The following ZNF398 variants were observed in gnomAD, a reference collection of about 807,000 sequenced individuals.
ZNF398 encodes the protein zinc finger protein 398.
Under a neutral mutation model 41.9 loss-of-function variants are expected in ZNF398, and 18 were observed. The observed-to-expected ratio is 0.43, with a 90% CI of 0.30 to 0.64. ZNF398 has a LOEUF of 0.64. Among genes scored for constraint, ZNF398 ranks in the 30% least tolerant of loss-of-function variants. ZNF398 has a pLI of 0.14. For missense variants in ZNF398, 669 were observed against 822.8 expected, an observed-to-expected ratio of 0.81 and a Z score of 2.29; for synonymous variants, 260 against 308.8, an observed-to-expected ratio of 0.84 and a Z score of 1.66.
At chr7:149,167,639 T>C (rs137953434) in intron 4 of ZNF398, among the ~76,000 whole-genome samples, 1,504 of 148,078 alleles carry the variant, frequency 0.01, 14 homozygotes, top group Non-Finnish European at 0.016. Context: ...CTTTTCTTTT[T>C]TTTTTTTTTT....
In ZNF398 at chr7:149,166,381, C is replaced by T. The variant is rs1396667162; in HGVS notation, c.547+97C>T. ...TCCAGTGACCTCATTCTCACTCTGTCTTCACACACTTCAAATTCTGGTTTC... is the reference window on the plus strand; with the variant it reads ...TCCAGTGACCTCATTCTCACTCTGTTTTCACACACTTCAAATTCTGGTTTC... On this transcript the variant is annotated intron_variant, in intron 3 of 5. Transcript: ENST00000475153. The T allele has an allele frequency of 4.1e-6, 6 of 1,450,746 alleles. No homozygotes were observed. The Admixed American group carries it at 1.1e-4, about 26-fold the overall frequency. 89.9% of individuals were successfully genotyped at this position (1,450,746 alleles called of 1,614,324 possible). A position where few individuals can be genotyped will look rare whatever the true frequency, so the allele number is the denominator to read the frequency against.
chr7:149,150,008 G>A (rs1001167647), intron 1 of ZNF398, among the ~76,000 whole-genome samples: 1 of 152,166 alleles, frequency 6.6e-6, no homozygotes, highest in Admixed American at 6.5e-5. Flanking sequence ...TCAGGAGACA[G>A]ATTGACACTA....
At chr7:149,150,112 G>A (rs960398886) in intron 1 of ZNF398, among the ~76,000 whole-genome samples, 1 of 152,154 alleles carries the variant, frequency 6.6e-6, no homozygotes, top group African/African-American at 2.4e-5. Flanking sequence ...AACTTCCTTA[G>A]GAAGTAAAGA....
intron 2 of ZNF398, among the ~76,000 whole-genome samples, chr7:149,136,951 T>C (rs1000826415): frequency 2.7e-5 from 4 of 148,282 alleles, no homozygotes; most frequent in African/African-American, 1.0e-4. Context: ...ACCACAACCT[T>C]CACTTTCTGG....
In ZNF398 at chr7:149,180,552, C is replaced by T. The variant is rs184959649; in HGVS notation, c.*751C>T. 1 of 152,096 alleles carries T rather than the reference C, an allele frequency of 6.6e-6. No individual in the cohort carries two copies. The highest frequency in any genetic ancestry group is 2.4e-5 in the African/African-American group (1 of 41,400). 9.4% of individuals were successfully genotyped at this position (152,096 alleles called of 1,614,324 possible). On this transcript the variant is annotated 3_prime_UTR_variant, in exon 6 of 6. Transcript: ENST00000475153. ...AACTGCCAGAAATCTTTGCCAAGGT[C>T]CTGGTTAAAAAAATTGGAAACGGTT...
intron 4 of ZNF398, among the ~76,000 whole-genome samples, chr7:149,175,285 G>A (rs1025449061): frequency 6.6e-6 from 1 of 151,904 alleles, no homozygotes; most frequent in African/African-American, 2.4e-5. Flanking sequence ...AGAGCTTCAG[G>A]GGACTCTCTG....
chr7:149,158,471 GA>G (rs1168289433), intron 2 of ZNF398, among the ~76,000 whole-genome samples: 1 of 152,194 alleles, frequency 6.6e-6, no homozygotes, highest in East Asian at 1.9e-4. Context: ...TTCTCATAGA[GA>G]ACCTTCTCCA....
chr7:149,133,585 C>T (rs1826639087), intron 2 of ZNF398, among the ~76,000 whole-genome samples: 1 of 149,950 alleles, frequency 6.7e-6, no homozygotes, highest in South Asian at 2.1e-4. Context: ...CCTGCCCCAG[C>T]TTCCCAAAGT....
At chr7:149,127,548 C>CAAAAAAA (rs61080328) in intron 1 of ZNF398, among the ~76,000 whole-genome samples, 793 of 74,842 alleles carry the variant, frequency 0.011, 29 homozygotes, top group African/African-American at 0.013. Context: ...ACTAAAAATA[C>CAAAAAAA]AAAAAAAAAA....
rs369333287 is a variant in ZNF398, at chr7:149,179,566, G to A, written c.1694G>A (p.Arg565Gln). 3 of 1,614,048 alleles carry A rather than the reference G, an allele frequency of 1.9e-6. No individual in the cohort carries two copies. The highest frequency in any genetic ancestry group is 2.7e-5 in the African/African-American group (2 of 74,926). The change falls in exon 6 of 6, where the codon CGG (arginine) becomes CAG (glutamine). Residue 565 changes from arginine (R) to glutamine (Q), a missense_variant. By Grantham distance (43) the Arg-to-Gln change is conservative. Around this residue, in one of 3 missense-constraint regions of ZNF398, gnomAD observed 210 missense variants for 290.4 expected, o/e 0.72. Coordinates refer to ENST00000475153, the MANE Select transcript of ZNF398 (RefSeq NM_170686.3). This position sits in a 1 kb window ranked among gnomAD's most constrained non-coding sequence, Gnocchi z 6.1. ...MKHQRIHTGE[R>Q]PYPCSYCGRS... ...CACCAGCGCATCCACACCGGGGAGC[G>A]GCCCTACCCCTGCTCCTACTGTGGC...
intron 2 of ZNF398, among the ~76,000 whole-genome samples, chr7:149,161,472 G>A (rs1386196762): frequency 1.3e-5 from 2 of 152,186 alleles, no homozygotes; most frequent in African/African-American, 2.4e-5. Context: ...AGCTGAAATC[G>A]GAGGATGACC....
chr7:149,178,368 A>G (rs1189958852), intron 5 of ZNF398, among the ~76,000 whole-genome samples: 1 of 152,192 alleles, frequency 6.6e-6, no homozygotes, highest in Non-Finnish European at 1.5e-5. Flanking sequence ...CAGGAGAATC[A>G]CTTGAACCCA....
intron 2 of ZNF398, among the ~76,000 whole-genome samples, chr7:149,160,338 G>A (rs1795083224): frequency 6.6e-6 from 1 of 152,148 alleles, no homozygotes; most frequent in South Asian, 2.1e-4. Context: ...GGCTGAGGCA[G>A]GAGAATGGTG....
In ZNF398 at chr7:149,166,628, A is replaced by G. The variant is rs373199142; in HGVS notation, c.548-189A>G. Reference sequence around the variant, plus strand: ...CACATGTGCTTTCCCCACACATTACATCTCCACTGCCTGCTTTCCTGAATA... The same window carrying G: ...CACATGTGCTTTCCCCACACATTACGTCTCCACTGCCTGCTTTCCTGAATA... On this transcript the variant is annotated intron_variant, in intron 3 of 5. Coordinates refer to ENST00000475153, the MANE Select transcript of ZNF398 (RefSeq NM_170686.3). 1.6e-4 allele frequency among the ~76,000 whole-genome samples: 25 copies of G among 152,306 alleles called. No homozygotes were observed. The South Asian group carries it at 4.6e-3, about 28-fold the overall frequency.
chr7:149,164,252 A>G (rs1047784795), intron 2 of ZNF398, among the ~76,000 whole-genome samples: 40 of 143,312 alleles, frequency 2.8e-4, no homozygotes, highest in African/African-American at 1.0e-3. Context: ...CTAAAAATAC[A>G]AAAAATTAGC....
chr7:149,148,427 A>G, intron 1 of ZNF398: 1 of 985,500 alleles, frequency 1.0e-6, no homozygotes. Flanking sequence ...CCGTAGAATG[A>G]GAAGGGGACG....
chr7:149,171,902 T>G (rs1220535603), intron 4 of ZNF398, among the ~76,000 whole-genome samples: 2 of 152,104 alleles, frequency 1.3e-5, no homozygotes, highest in Non-Finnish European at 2.9e-5. Context: ...CACCTGGACT[T>G]AAGTGATCTG....
intron 2 of ZNF398, among the ~76,000 whole-genome samples, chr7:149,134,344 G>A (rs1338084976): frequency 6.6e-6 from 1 of 151,522 alleles, no homozygotes; most frequent in Non-Finnish European, 1.5e-5. Flanking sequence ...CTCCCCACCG[G>A]CCTCCCAAAG....
At chr7:149,133,688 TGTGTGTATATATATATAC>T (rs1486450927) in intron 2 of ZNF398, among the ~76,000 whole-genome samples, 866 of 34,630 alleles carry the variant, frequency 0.025, 23 homozygotes, top group Non-Finnish European at 0.038. Flanking sequence ...TACATATATA[TGTGTGTATATATATATAC>T]ACACATATAT....
Sources: allele counts gnomAD v4.1 joint callset (sites outside exome capture counted in the v4.1 genomes callset), GRCh38; gene constraint gnomAD v4.1.1; regional missense constraint gnomAD v4.1.1; non-coding constraint Gnocchi (gnomAD v3.1); transcripts MANE v1.5; gene names NCBI Gene and HGNC (gene_info 2026-07-23, HGNC 2026-07-21).